The following GATB variants were observed in gnomAD, a reference collection of about 807,000 sequenced individuals.
GATB encodes the protein glutamyl-tRNA amidotransferase subunit B, also known as glutamyl-tRNA(Gln) amidotransferase subunit B, mitochondrial.
GATB carries 39 observed loss-of-function variants against 62.3 expected under a neutral mutation model. The observed-to-expected ratio is 0.63, with a 90% CI of 0.48 to 0.82. GATB has a LOEUF of 0.82. Ranked by LOEUF, GATB falls within the 40% of genes least tolerant of loss-of-function variation. The probability of loss-of-function intolerance (pLI) is 0.00; values close to 1 mark genes in which losing one functional copy is unlikely to be tolerated. For synonymous variants in GATB, 276 were observed against 258.9 expected (o/e 1.07, Z -0.63); for missense variants, 670 against 684.0 (o/e 0.98, Z 0.23).
chr4:151,739,624 A>C (rs901293290), intron 2 of GATB, among the ~76,000 whole-genome samples: 1 of 152,200 alleles, frequency 6.6e-6, no homozygotes, highest in Admixed American at 6.5e-5. Context: ...AGACTCACCC[A>C]AAAACAGCTT....
At chr4:151,732,044 G>A (rs1236478726) in intron 2 of GATB, among the ~76,000 whole-genome samples, 2 of 99,256 alleles carry the variant, frequency 2.0e-5, no homozygotes, top group African/African-American at 5.9e-5. Context: ...CGCCCCGTCC[G>A]GGAGGGAGGT....
intron 6 of GATB, among the ~76,000 whole-genome samples, chr4:151,706,178 T>C (rs191065597): frequency 3.3e-5 from 5 of 152,308 alleles, no homozygotes; most frequent in East Asian, 1.9e-4. Flanking sequence ...TGGCCTGACA[T>C]AGGGAGAAAA....
chr4:151,706,293 C>T (rs1019844788), intron 6 of GATB, among the ~76,000 whole-genome samples: 4 of 152,220 alleles, frequency 2.6e-5, no homozygotes, highest in African/African-American at 9.6e-5. Flanking sequence ...GACTGGTCCT[C>T]CAAAGAGTTC....
intron 9 of GATB, among the ~76,000 whole-genome samples, chr4:151,695,930 A>ATTTTTTTTTTTTTTTTTTT (rs57028979): frequency 8.1e-6 from 1 of 122,850 alleles, no homozygotes; most frequent in African/African-American, 3.3e-5. Flanking sequence ...GCTAATTTAA[A>ATTTTTTTTTTTTTTTTTTT]TTTTTTTTTT....
intron 2 of GATB, chr4:151,722,307 CA>C (rs1739047746): frequency 4.4e-6 from 3 of 677,542 alleles, no homozygotes; most frequent in Admixed American, 4.5e-5. Flanking sequence ...AATGAATCCG[CA>C]GTGGTGACAT....
chr4:151,718,297 TA>T (rs1229472877), intron 3 of GATB, among the ~76,000 whole-genome samples: 1 of 152,082 alleles, frequency 6.6e-6, no homozygotes, highest in Non-Finnish European at 1.5e-5. Flanking sequence ...GGTTGTTGGA[TA>T]AAATATAGGA....
intron 8 of GATB, among the ~76,000 whole-genome samples, 188 bp from the exon 9 acceptor site, chr4:151,701,706 C>T (rs1173022023): frequency 6.6e-6 from 1 of 152,112 alleles, no homozygotes; most frequent in Non-Finnish European, 1.5e-5. Context: ...ACCTCCAAAC[C>T]CACCCCTCTC....
chr4:151,701,305 T>C, intron 9 of GATB, 24 bp downstream of exon 9: 1 of 1,485,342 alleles, frequency 6.7e-7, no homozygotes, highest in Non-Finnish European at 9.0e-7. Context: ...GCCGGGATCC[T>C]CTTGGCATCC....
At chr4:151,700,922 C>T (rs545711523) in intron 9 of GATB, among the ~76,000 whole-genome samples, 12 of 152,166 alleles carry the variant, frequency 7.9e-5, no homozygotes, top group African/African-American at 1.7e-4. Flanking sequence ...CTTTTGAGAA[C>T]GCAACATCCT....
chr4:151,760,719 T>C, intron 1 of GATB, 88 bp downstream of exon 1: 1 of 1,295,692 alleles, frequency 7.7e-7, no homozygotes, highest in East Asian at 2.5e-5. Context: ...CCAAAACGTC[T>C]AGAAGCTGGG....
At chr4:151,725,117 T>G (rs935103554) in intron 2 of GATB, among the ~76,000 whole-genome samples, 2 of 152,224 alleles carry the variant, frequency 1.3e-5, no homozygotes, top group African/African-American at 4.8e-5. Flanking sequence ...ATTGGGGCCA[T>G]CAGAGGATGC....
rs572796201 is a variant in GATB at position 151,684,299 on chromosome 4, T to C, written c.1331+4331A>G. Among the ~76,000 whole-genome samples the C allele has an allele frequency of 3.3e-5, 5 of 152,348 alleles. No individual in the cohort carries two copies. The South Asian group carries it at 8.3e-4, about 25-fold the overall frequency. On this transcript the variant is annotated intron_variant, in intron 10 of 12. Transcript: ENST00000263985. ...AAATGCTTGCTCAGGAAATCTACAA[T>C]GTCTACTTTCTTAACTAAACCAAAT...
chr4:151,692,631 C>T (rs1018801536), intron 9 of GATB, among the ~76,000 whole-genome samples: 7 of 152,126 alleles, frequency 4.6e-5, no homozygotes, highest in Admixed American at 2.0e-4. Flanking sequence ...TACTGGGCTC[C>T]GGGGATGGAG....
At chr4:151,681,895 C>A (rs1738145758) in intron 10 of GATB, among the ~76,000 whole-genome samples, 1 of 152,138 alleles carries the variant, frequency 6.6e-6, no homozygotes, top group Non-Finnish European at 1.5e-5. Flanking sequence ...TAATCCCATT[C>A]ATAAAAGCCC....
chr4:151,702,800 T>C (rs191461438), intron 8 of GATB, among the ~76,000 whole-genome samples: 1 of 152,292 alleles, frequency 6.6e-6, no homozygotes, highest in Non-Finnish European at 1.5e-5. Flanking sequence ...AGGGCTTATG[T>C]AGAAAAAGCA....
chr4:151,719,820 A>C (rs976265676), intron 2 of GATB: 1 of 297,602 alleles, frequency 3.4e-6, no homozygotes. Flanking sequence ...AGCTAACAGG[A>C]AGAGTCGCAG....
intron 2 of GATB, among the ~76,000 whole-genome samples, chr4:151,729,355 G>A (rs999936326): frequency 1.3e-5 from 2 of 152,180 alleles, no homozygotes; most frequent in Non-Finnish European, 2.9e-5. Context: ...AAGGACTAAA[G>A]AGACATGACA....
At chr4:151,686,661 C>T (rs1348285296) in intron 10 of GATB, among the ~76,000 whole-genome samples, 1 of 128,682 alleles carries the variant, frequency 7.8e-6, no homozygotes, top group Non-Finnish European at 1.7e-5. Context: ...CGCCCCCCCC[C>T]CACCCCCCAG....
At chr4:151,714,269 T>C (rs1190055600) in intron 5 of GATB, among the ~76,000 whole-genome samples, 4 of 152,164 alleles carry the variant, frequency 2.6e-5, no homozygotes, top group Non-Finnish European at 4.4e-5. Flanking sequence ...GGGTGTCCAC[T>C]AGTCTTCAGT....
Sources: allele counts gnomAD v4.1 joint callset (sites outside exome capture counted in the v4.1 genomes callset), GRCh38; gene constraint gnomAD v4.1.1; transcripts MANE v1.5; gene names NCBI Gene and HGNC (gene_info 2026-07-23, HGNC 2026-07-21).